CSMD1: variants seen among roughly 807,000 people sequenced by gnomAD.
The protein encoded by CSMD1 is CUB and Sushi multiple domains 1.
A neutral mutation model predicts 417.5 loss-of-function variants in CSMD1; 213 were observed. The ratio of observed to expected loss-of-function variants is 0.51; its 90% confidence interval spans 0.46 to 0.57. The LOEUF (loss-of-function observed/expected upper bound fraction) is 0.57. Among genes scored for constraint, CSMD1 ranks in the 20% least tolerant of loss-of-function variants. The pLI, the probability that CSMD1 is intolerant of heterozygous loss-of-function variation, is 0.00. For missense variants in CSMD1, 6,923 were observed against 4,529.7 expected (o/e 1.53, Z -15.17); for synonymous variants, 2,862 against 1,736.8 (o/e 1.65, Z -16.11).
chr8:4,744,206 C>T (rs561674234), intron 1 of CSMD1, among the ~76,000 whole-genome samples: 1 of 151,882 alleles, frequency 6.6e-6, no homozygotes, highest in South Asian at 2.1e-4. Context: ...CTGACGGTCA[C>T]CTCTGCAGGC....
chr8:4,876,648 T>C (rs1313429598), intron 1 of CSMD1, among the ~76,000 whole-genome samples: 3 of 152,082 alleles, frequency 2.0e-5, no homozygotes, highest in Non-Finnish European at 4.4e-5. Context: ...AAAAGCACAA[T>C]GCAATGTGTT....
intron 3 of CSMD1, among the ~76,000 whole-genome samples, chr8:4,119,309 G>A (rs1039872862): frequency 1.3e-5 from 2 of 152,066 alleles, no homozygotes; most frequent in Non-Finnish European, 2.9e-5. Flanking sequence ...ATGTCAACAG[G>A]CAAATTACTA....
rs1801660480 is a variant in CSMD1 at position 2,938,705 on chromosome 8, A to G, written c.10575T>C (p.His3525=). The stretch of plus-strand genomic sequence containing the variant: ...ACGATGCTTGTCCATTGCTGTTTTC[A>G]TGCCCAGCATAGCCATTGTATTGAA... The part of the protein sequence containing the change: ...PKVQYNGYAG[H]ENSNGQASFE... The change falls in exon 70 of 70, where the codon CAT becomes CAC. Residue 3525 remains histidine, a synonymous_variant. Transcript: ENST00000635120. 1 of 1,611,622 alleles carries G rather than the reference A, an allele frequency of 6.2e-7. No individual in the cohort carries two copies. The highest frequency in any genetic ancestry group is 1.3e-5 in the African/African-American group (1 of 74,926).
At chr8:3,256,659 C>T (rs1219987912) in intron 26 of CSMD1, among the ~76,000 whole-genome samples, 1 of 152,142 alleles carries the variant, frequency 6.6e-6, no homozygotes, top group Non-Finnish European at 1.5e-5. Flanking sequence ...GCAAGAACAC[C>T]CACACTTCCA....
At chr8:4,414,062 G>A (rs1370965781) in intron 3 of CSMD1, among the ~76,000 whole-genome samples, 13 of 152,164 alleles carry the variant, frequency 8.5e-5, no homozygotes, top group Non-Finnish European at 1.9e-4. Context: ...ATCCTGCCAG[G>A]TGCATCATGC....
chr8:3,550,727 C>G (rs566598723), intron 10 of CSMD1, among the ~76,000 whole-genome samples: 1 of 152,316 alleles, frequency 6.6e-6, no homozygotes, highest in South Asian at 2.1e-4. Flanking sequence ...CTTTGCACCT[C>G]CTTGAAAAGA....
intron 2 of CSMD1, among the ~76,000 whole-genome samples, chr8:4,442,458 A>G (rs1798540859): frequency 6.6e-6 from 1 of 152,158 alleles, no homozygotes; most frequent in African/African-American, 2.4e-5. Context: ...ACATCTACTT[A>G]CATGCTTATC....
chr8:3,614,011 A>C (rs561249228), intron 8 of CSMD1, among the ~76,000 whole-genome samples: 1 of 152,048 alleles, frequency 6.6e-6, no homozygotes, highest in South Asian at 2.1e-4. Flanking sequence ...CCTAGGGAGA[A>C]AGTTCTAGGA....
rs560655094 is a variant in CSMD1, at chr8:4,552,986, C to T, written c.302+84356G>A. Among the ~76,000 whole-genome samples the T allele has an allele frequency of 2.6e-4, 40 of 152,330 alleles. 1 individual carries two copies. The highest frequency in any genetic ancestry group is 2.5e-3 in the Admixed American group (39 of 15,308). ...CTCTCTTGTACCTTGCTTATGTATGCTGGCTGCTTGGTGACATTTCACCGA... is the reference window on the plus strand; with the variant it reads ...CTCTCTTGTACCTTGCTTATGTATGTTGGCTGCTTGGTGACATTTCACCGA... On this transcript the variant is annotated intron_variant, in intron 2 of 69. Transcript: ENST00000635120.
At chr8:4,406,388 TC>T in intron 3 of CSMD1, among the ~76,000 whole-genome samples, 1 of 152,250 alleles carries the variant, frequency 6.6e-6, no homozygotes, top group East Asian at 1.9e-4. Flanking sequence ...TTCATGAAAC[TC>T]AACTTTTACT....
intron 30 of CSMD1, among the ~76,000 whole-genome samples, chr8:3,206,369 G>A (rs1797261116): frequency 7.3e-6 from 1 of 136,934 alleles, no homozygotes; most frequent in Non-Finnish European, 1.6e-5. Flanking sequence ...TGTGTATTGG[G>A]GGTATGTCTG....
intron 1 of CSMD1, among the ~76,000 whole-genome samples, chr8:4,680,489 G>A (rs1312012370): frequency 6.6e-6 from 1 of 152,154 alleles, no homozygotes; most frequent in African/African-American, 2.4e-5. Context: ...CTGGGCAGAT[G>A]CATTAAATTA....
chr8:4,549,895 T>TAAAAAAAAAAAAAAA (rs1563277700), intron 2 of CSMD1, among the ~76,000 whole-genome samples: 1 of 65,850 alleles, frequency 1.5e-5, no homozygotes, highest in Non-Finnish European at 2.6e-5. Context: ...AGACTTTGTC[T>TAAAAAAAAAAAAAAA]CAAAAAAAAA....
intron 3 of CSMD1, among the ~76,000 whole-genome samples, chr8:4,386,930 C>G (rs905018107): frequency 2.6e-5 from 4 of 152,084 alleles, no homozygotes; most frequent in African/African-American, 9.7e-5. Flanking sequence ...GCAGATAATA[C>G]TATTGATAGA....
chr8:4,030,260 G>T (rs2554572), intron 4 of CSMD1, among the ~76,000 whole-genome samples: 65 of 152,116 alleles, frequency 4.3e-4, no homozygotes, highest in African/African-American at 1.4e-3. Flanking sequence ...TTTCCCTCCT[G>T]CACTGCCCTA....
chr8:3,637,949 C>G (rs1022583581), intron 7 of CSMD1, among the ~76,000 whole-genome samples: 4 of 152,200 alleles, frequency 2.6e-5, no homozygotes, highest in African/African-American at 9.7e-5. Context: ...CTTTGGTTCT[C>G]CTTCACCTTC....
At chr8:4,744,413 G>T (rs543098420) in intron 1 of CSMD1, among the ~76,000 whole-genome samples, 5 of 152,210 alleles carry the variant, frequency 3.3e-5, no homozygotes, top group Admixed American at 1.3e-4. Flanking sequence ...TCTAGCCTGC[G>T]CAGGACACAG....
chr8:4,245,302 C>T (rs1714748), intron 3 of CSMD1, among the ~76,000 whole-genome samples: 137,683 of 152,160 alleles, frequency 0.9, 63,904 homozygotes, highest in East Asian at 1. Context: ...ACAAACACTG[C>T]ATAAAAGTAT....
intron 5 of CSMD1, among the ~76,000 whole-genome samples, chr8:3,975,559 G>C (rs1335849120): frequency 6.6e-6 from 1 of 152,088 alleles, no homozygotes; most frequent in African/African-American, 2.4e-5. Context: ...CGGGATGACG[G>C]GCAGCGCTTT....
Sources: gnomAD v4.1 joint callset for allele counts (sites outside exome capture counted in the v4.1 genomes callset) on GRCh38, gnomAD v4.1.1 for gene constraint, MANE v1.5 for transcripts, NCBI Gene and HGNC (gene_info 2026-07-23, HGNC 2026-07-21) for gene names.